Variants in CDH12 observed in about 807,000 individuals in gnomAD.
CDH12 encodes the protein cadherin 12, also known as cadherin-12.
A neutral mutation model predicts 74.1 loss-of-function variants in CDH12; 41 were observed. That is an observed-to-expected ratio of 0.55 (90% CI 0.43 to 0.72). The LOEUF (loss-of-function observed/expected upper bound fraction) is 0.72, where lower values mean the gene tolerates loss of function less well. Among genes scored for constraint, CDH12 ranks in the 30% least tolerant of loss-of-function variants. The pLI is 0.00. For synonymous variants in CDH12, 399 were observed against 355.0 expected (o/e 1.12, Z -1.39); for missense variants, 945 against 977.2 (o/e 0.97, Z 0.44).
At chr5:22,731,051 A>G (rs1295500753) in intron 1 of CDH12, among the ~76,000 whole-genome samples, 1 of 151,826 alleles carries the variant, frequency 6.6e-6, no homozygotes, top group African/African-American at 2.4e-5. Flanking sequence ...CTTCATTTTC[A>G]TCAAAAGCAT....
chr5:22,394,107 C>T (rs1236655961), intron 3 of CDH12, among the ~76,000 whole-genome samples: 1 of 152,148 alleles, frequency 6.6e-6, no homozygotes, highest in South Asian at 2.1e-4. Flanking sequence ...AGAAAATTCA[C>T]TGTTGGAAAC....
chr5:21,764,843 C>A (rs889802405), intron 12 of CDH12, 135 bp downstream of exon 12: 4 of 819,994 alleles, frequency 4.9e-6, no homozygotes, highest in African/African-American at 3.5e-5. Flanking sequence ...TTTAATTAAT[C>A]TTTTATGGTT....
intron 1 of CDH12, among the ~76,000 whole-genome samples, chr5:22,677,516 A>T (rs1172457180): frequency 6.6e-6 from 1 of 152,110 alleles, no homozygotes; most frequent in Non-Finnish European, 1.5e-5. Context: ...CAGAGTCCTC[A>T]TGACCAAATC....
chr5:22,426,941 A>ATC (rs1160945723), intron 2 of CDH12, among the ~76,000 whole-genome samples: 7 of 151,340 alleles, frequency 4.6e-5, no homozygotes, highest in South Asian at 2.1e-4. Flanking sequence ...TGACCTCAAC[A>ATC]TCTCTCTCTC....
At chr5:22,279,545 G>A (rs1736786925) in intron 3 of CDH12, among the ~76,000 whole-genome samples, 1 of 151,870 alleles carries the variant, frequency 6.6e-6, no homozygotes, top group African/African-American at 2.4e-5. Context: ...CCGCACAACA[G>A]GTCCTGGTGT....
At chr5:22,487,167 T>C (rs915778568) in intron 2 of CDH12, among the ~76,000 whole-genome samples, 15 of 151,936 alleles carry the variant, frequency 9.9e-5, no homozygotes, top group African/African-American at 3.6e-4. Context: ...CACGCCCCAC[T>C]AATTTTTGTA....
At chr5:22,297,631 T>C (rs1174201332) in intron 3 of CDH12, among the ~76,000 whole-genome samples, 3 of 152,250 alleles carry the variant, frequency 2.0e-5, no homozygotes, top group African/African-American at 7.2e-5. Flanking sequence ...GTATTTGTAT[T>C]CCTAATTAAT....
chr5:21,969,213 A>G (rs1756722376), intron 6 of CDH12, among the ~76,000 whole-genome samples: 1 of 152,120 alleles, frequency 6.6e-6, no homozygotes, highest in Non-Finnish European at 1.5e-5. Context: ...TTAGATGAAA[A>G]GCTCCTGGAC....
At chr5:22,485,836 T>G (rs1430413543) in intron 2 of CDH12, among the ~76,000 whole-genome samples, 1 of 152,190 alleles carries the variant, frequency 6.6e-6, no homozygotes, top group Non-Finnish European at 1.5e-5. Context: ...ACCTTTCCAT[T>G]TTCTTGATTT....
chr5:22,119,359 C>T (rs1396265286), intron 4 of CDH12, among the ~76,000 whole-genome samples: 1 of 145,744 alleles, frequency 6.9e-6, no homozygotes, highest in Non-Finnish European at 1.5e-5. Context: ...GGCCTGATCT[C>T]GGCTTACTGC....
chr5:22,529,221 AGAG>A (rs1264198093), intron 1 of CDH12, among the ~76,000 whole-genome samples: 3 of 142,318 alleles, frequency 2.1e-5, no homozygotes, highest in South Asian at 2.2e-4. Flanking sequence ...AGAGAGAGAG[AGAG>A]AAGAGAGAGA....
rs148741196 is a variant in CDH12 at position 22,008,508 on chromosome 5, C to T, written c.232-33123G>A. Among the ~76,000 whole-genome samples, 791 of 152,254 alleles carry T rather than the reference C, an allele frequency of 5.2e-3. 4 individuals carry two copies. The highest frequency in any genetic ancestry group is 0.018 in the African/African-American group (734 of 41,560). On this transcript the variant is annotated intron_variant, in intron 5 of 14. Transcript: ENST00000382254. The stretch of plus-strand genomic sequence containing the variant: ...CCTCCCAAAGTGCTGGGATTACAGG[C>T]GTGAGCCACTGCACCCGACTTACAA...
chr5:22,796,514 C>CTTT lies in CDH12; in HGVS notation c.-523+56541_-523+56543dup, dbSNP rs70959756. Among the ~76,000 whole-genome samples, 52 of 59,738 alleles carry CTTT rather than the reference C, an allele frequency of 8.7e-4. 2 individuals are homozygous for CTTT. Among genetic ancestry groups the CTTT allele is most frequent in the Non-Finnish European group, 1.1e-3 (41 of 36,936 alleles). 39.2% of individuals were successfully genotyped at this position (59,738 alleles called of 152,430 possible). ...AAAAACTTCTGTTCAGATTTTTTAT[C>CTTT]TTTTTTTTTTTTTTTTTTTTTTTGA... On this transcript the variant is annotated intron_variant, in intron 1 of 14. Coordinates refer to ENST00000382254, the MANE Select transcript of CDH12 (RefSeq NM_004061.5).
chr5:22,371,805 A>G (rs865834550), intron 3 of CDH12, among the ~76,000 whole-genome samples: 1 of 152,208 alleles, frequency 6.6e-6, no homozygotes, highest in Non-Finnish European at 1.5e-5. Flanking sequence ...GATTTTGGCT[A>G]GAGCATGGAA....
rs563742774 is a variant in CDH12, at chr5:22,505,255, A to AT, written c.-428+14dup. 6.1e-5 allele frequency: 56 copies of AT among 915,050 alleles called. No individual in the cohort carries two copies. The East Asian group carries it at 1.4e-3, about 23-fold the overall frequency. The allele number at this position is 915,050 out of a possible 1,614,324, so 56.7% of individuals were successfully genotyped here. A position where few individuals can be genotyped will look rare whatever the true frequency, so the allele number is the denominator to read the frequency against. ...AGGTAAAAGCATATATCTTGATAAG[A>AT]TTTTTTTTACCTACCTTTAAAAAGG... On this transcript the variant is annotated intron_variant, in intron 2 of 14. Coordinates refer to ENST00000382254, the MANE Select transcript of CDH12 (RefSeq NM_004061.5).
Position 22,424,874 on chromosome 5 carries a change from GAATA to G in CDH12, c.-427-19527_-427-19524del, listed in dbSNP as rs902466031. ...CAAATAATAAAATCTTAGAAATAAAGAATAAATAAGACTTTTAATCAGATATGAC... is the reference window on the plus strand; with the variant it reads ...CAAATAATAAAATCTTAGAAATAAAGAATAAGACTTTTAATCAGATATGAC... On this transcript the variant is annotated intron_variant, in intron 2 of 14. Transcript: ENST00000382254. 2.2e-4 allele frequency among the ~76,000 whole-genome samples: 33 copies of G among 151,310 alleles called. No homozygotes were observed. In the Middle Eastern group the frequency reaches 0.018, roughly 81 times the overall value.
intron 1 of CDH12, among the ~76,000 whole-genome samples, chr5:22,811,427 G>T (rs1001533413): frequency 1.3e-5 from 2 of 152,104 alleles, no homozygotes; most frequent in African/African-American, 4.8e-5. Flanking sequence ...GGCGGAAGTT[G>T]CTTTGTGAGC....
At chr5:22,664,137 A>C in intron 1 of CDH12, among the ~76,000 whole-genome samples, 1 of 152,214 alleles carries the variant, frequency 6.6e-6, no homozygotes, top group South Asian at 2.1e-4. Context: ...GAATTCACAT[A>C]ATACATCTCT....
At chr5:22,332,932 G>T (rs181074848) in intron 3 of CDH12, among the ~76,000 whole-genome samples, 11 of 152,248 alleles carry the variant, frequency 7.2e-5, no homozygotes, top group Non-Finnish European at 1.5e-4. Context: ...TCTAGAACCA[G>T]AAATATCATT....
Sources: allele counts gnomAD v4.1 joint callset (sites outside exome capture counted in the v4.1 genomes callset), GRCh38; gene constraint gnomAD v4.1.1; transcripts MANE v1.5; gene names NCBI Gene and HGNC (gene_info 2026-07-23, HGNC 2026-07-21).